Variants in NOP9 observed in about 807,000 individuals in gnomAD.
The protein encoded by NOP9 is nucleolar protein 9.
A neutral mutation model predicts 63.0 loss-of-function variants in NOP9; 50 were observed. The ratio of observed to expected loss-of-function variants is 0.79; its 90% CI spans 0.63 to 1.00. NOP9 has a LOEUF of 1.00. Ranked by LOEUF, NOP9 falls within the 50% of genes least tolerant of loss-of-function variation. The pLI is 0.00. For synonymous variants in NOP9, 343 were observed against 332.8 expected, an observed-to-expected ratio of 1.03 and a Z score of -0.33; for missense variants, 758 against 803.0, an observed-to-expected ratio of 0.94 and a Z score of 0.68.
chr14:24,289,990 C>G, the NOP9 span, among the ~76,000 whole-genome samples: 1 of 152,342 alleles, frequency 6.6e-6, no homozygotes, highest in Middle Eastern at 3.4e-3. Context: ...GGCAGCCATC[C>G]CATCACTTTG....
chr14:24,283,968 C>G, the NOP9 span, among the ~76,000 whole-genome samples: 1 of 152,218 alleles, frequency 6.6e-6, no homozygotes, highest in East Asian at 1.9e-4. Context: ...AGCCATGGGG[C>G]TCTGAGGAGG....
chr14:24,277,583 C>T, the NOP9 span, among the ~76,000 whole-genome samples: 2 of 152,202 alleles, frequency 1.3e-5, no homozygotes, highest in Non-Finnish European at 2.9e-5. Flanking sequence ...ATTATAATGA[C>T]TGAATACTTT....
the NOP9 span, among the ~76,000 whole-genome samples, chr14:24,273,475 C>G: frequency 0.5 from 75,717 of 152,110 alleles, 20,622 homozygotes; most frequent in African/African-American, 0.72. Context: ...CACCATGCCC[C>G]GCCAGTGCTT....
At chr14:24,271,445 C>T in the NOP9 span, 21 of 249,482 alleles carry the variant, frequency 8.4e-5, no homozygotes, top group East Asian at 1.4e-3. Context: ...CCCGCCCGTC[C>T]CACGGCTCCC....
At chr14:24,299,497 G>C (rs2041326189), upstream of NOP9, 1 of 213,976 alleles carries the variant, frequency 4.7e-6, no homozygotes, top group African/African-American at 2.3e-5. Context: ...GTCCGGCTGA[G>C]CCAGAGGCGC....
chr14:24,285,456 G>A, the NOP9 span, among the ~76,000 whole-genome samples: 37 of 152,138 alleles, frequency 2.4e-4, no homozygotes, highest in Admixed American at 6.6e-4. Context: ...CCTGAGACTG[G>A]AAATTATGAC....
At chr14:24,283,419 T>C in the NOP9 span, among the ~76,000 whole-genome samples, 5 of 149,740 alleles carry the variant, frequency 3.3e-5, no homozygotes, top group Non-Finnish European at 4.4e-5. Flanking sequence ...CAAAACTCTG[T>C]CTCTACTAAA....
At chr14:24,301,765 G>A (rs1162669937) in intron 3 of NOP9, 43 bp downstream of exon 3, 2 of 1,600,074 alleles carry the variant, frequency 1.2e-6, no homozygotes, top group Non-Finnish European at 1.7e-6. Flanking sequence ...CTACTTGTCT[G>A]GAGGTCATCT....
rs200100447 is a variant in NOP9 at position 24,304,574 on chromosome 14, C to T, written c.1729C>T (p.Arg577Trp). The T allele has an allele frequency of 4.2e-5, 67 of 1,612,226 alleles. No individual in the cohort carries two copies. Among genetic ancestry groups the T allele is most frequent in the African/African-American group, 3.6e-4 (27 of 74,892 alleles). Residue 577 changes from arginine (R) to tryptophan (W), a missense_variant, in exon 9 of 10, where the codon CGG (arginine) becomes TGG (tryptophan). Transcript: ENST00000267425. ...CTGGAGTGGAGCAGCCTTGAGGGCC[C>T]GGAAGGAAATTGCTGCTGAGCTTGG... ...AIWSGAALRARKEIAAELGEQ... is the reference protein window; with the variant it reads ...AIWSGAALRAWKEIAAELGEQ...
At chr14:24,272,400 G>A in the NOP9 span, among the ~76,000 whole-genome samples, 16 of 152,132 alleles carry the variant, frequency 1.1e-4, no homozygotes, top group Non-Finnish European at 2.1e-4. Flanking sequence ...TCTAAACATT[G>A]GCCTTTATGT....
chr14:24,305,011 C>G lies in NOP9; in HGVS notation c.1827C>G (p.Phe609Leu), dbSNP rs2041455549. Residue 609 changes from phenylalanine to leucine, a missense_variant, in exon 10 of 10, where the codon TTC (phenylalanine) becomes TTG (leucine). Phe to Leu is a conservative substitution (Grantham distance 22, BLOSUM62 0). Coordinates refer to ENST00000267425, the MANE Select transcript of NOP9 (RefSeq NM_174913.3). ...CTCGAAATGTGGCCTTGACTACCTT[C>G]CTAAAGCGGCGAGAGGCTTGGGAAC... is the stretch of plus-strand genomic sequence containing the variant. Reference protein sequence around the residue: ...HVARNVALTTFLKRREAWEQQ... With the variant: ...HVARNVALTTLLKRREAWEQQ... The G allele has an allele frequency of 6.2e-7, 1 of 1,606,724 alleles. No individual in the cohort carries two copies. The highest frequency in any genetic ancestry group is 8.5e-7 in the Non-Finnish European group (1 of 1,176,932).
chr14:24,305,661 T>C lies in NOP9; in HGVS notation c.*566T>C. 6.2e-7 allele frequency: 1 copy of C among 1,614,038 alleles called. No individual in the cohort carries two copies. ...GTAGGAATGGAGGCGGCCCTTCTGC[T>C]GCCACTGCTCAGCCCCCTCCACTGC... is the stretch of plus-strand genomic sequence containing the variant. On this transcript the variant is annotated 3_prime_UTR_variant, in exon 10 of 10. Transcript: ENST00000267425.
chr14:24,274,760 C>T, the NOP9 span, among the ~76,000 whole-genome samples: 6 of 152,178 alleles, frequency 3.9e-5, no homozygotes, highest in African/African-American at 1.2e-4. Context: ...AGGCGCCTGC[C>T]ACCCTGCCCA....
chr14:24,301,911 C>T (rs982193366), intron 3 of NOP9, 54 bp from the exon 4 acceptor site: 79 of 1,574,502 alleles, frequency 5.0e-5, no homozygotes, highest in Non-Finnish European at 6.1e-5. Context: ...TTTGAGGTTA[C>T]GCAGGTTGTC....
At position 24,306,181 on chromosome 14, in the gene NOP9, A is replaced by G; in HGVS notation, c.*1086A>G. ...AGTGCAGTAGATCCTCATACCAGAC[A>G]CCCACCACTAATCTCCATCAGCACT... is the stretch of plus-strand genomic sequence containing the variant. On this transcript the variant is annotated 3_prime_UTR_variant, in exon 10 of 10. Coordinates refer to ENST00000267425, the MANE Select transcript of NOP9 (RefSeq NM_174913.3). 5 of 1,585,008 alleles carry G rather than the reference A, an allele frequency of 3.2e-6. No homozygotes were observed. The highest frequency in any genetic ancestry group is 4.3e-6 in the Non-Finnish European group (5 of 1,159,178).
chr14:24,300,250 G>C, intron 1 of NOP9, 49 bp downstream of exon 1: 1 of 1,598,988 alleles, frequency 6.3e-7, no homozygotes. Flanking sequence ...ATCCAGGGCA[G>C]GCAAGGAAAC....
chr14:24,304,968 C>T lies in NOP9; in HGVS notation c.1784C>T (p.Pro595Leu). ...GEQNQELIRD[P>L]FGHHVARNVA... ...CAGAACCAGGAGCTGATAAGAGACC[C>T]TTTCGGCCACCATGTGGCTCGAAAT... Residue 595 changes from proline (P) to leucine (L), a missense_variant, in exon 10 of 10, where the codon CCT (proline) becomes CTT (leucine). Transcript: ENST00000267425. The T allele has an allele frequency of 1.3e-6, 2 of 1,577,892 alleles. No individual in the cohort carries two copies. The highest frequency in any genetic ancestry group is 3.8e-5 in the Admixed American group (2 of 52,606).
Position 24,305,568 on chromosome 14 carries a change from G to T in NOP9, c.*473G>T. The T allele has an allele frequency of 6.5e-7, 1 of 1,550,014 alleles. No individual in the cohort carries two copies. Among genetic ancestry groups the T allele is most frequent in the South Asian group, 1.2e-5 (1 of 80,630 alleles). The stretch of plus-strand genomic sequence containing the variant: ...GTACTGTCTGCAGGTCCTGAAATTT[G>T]ATGCTGTCATAGTCTTTGCAGTGGG... On this transcript the variant is annotated 3_prime_UTR_variant, in exon 10 of 10. Transcript: ENST00000267425.
the NOP9 span, among the ~76,000 whole-genome samples, chr14:24,288,405 A>G: frequency 6.6e-6 from 1 of 151,822 alleles, no homozygotes; most frequent in East Asian, 1.9e-4. Flanking sequence ...GCTGGAGTGC[A>G]GTGGCGCAAT....
Sources: gnomAD v4.1 joint callset for allele counts (sites outside exome capture counted in the v4.1 genomes callset) on GRCh38, gnomAD v4.1.1 for gene constraint, MANE v1.5 for transcripts, NCBI Gene and HGNC (gene_info 2026-07-23, HGNC 2026-07-21) for gene names.